Variants in COL5A1 observed in about 807,000 individuals in gnomAD.
COL5A1 encodes collagen alpha-1(V) chain.
Under a neutral mutation model 263.7 loss-of-function variants are expected in COL5A1, and 16 were observed. The ratio of observed to expected loss-of-function variants is 0.06; its 90% CI spans 0.04 to 0.09. The LOEUF (loss-of-function observed/expected upper bound fraction) is 0.09, where lower values mean the gene tolerates loss of function less well. Among genes scored for constraint, COL5A1 ranks in the 10% least tolerant of loss-of-function variants. The pLI is 1.00. For missense variants in COL5A1, 2,036 were observed against 2,540.5 expected (o/e 0.80, Z 4.27); for synonymous variants, 1,012 against 1,004.5 (o/e 1.01, Z -0.14).
At chr9:134,839,579 C>T (rs1301205296) in intron 65 of COL5A1, among the ~76,000 whole-genome samples, 2 of 152,206 alleles carry the variant, frequency 1.3e-5, no homozygotes, top group Admixed American at 6.5e-5. Context: ...GACCTGTCGC[C>T]GAGCTCACTT....
intron 18 of COL5A1, among the ~76,000 whole-genome samples, chr9:134,760,722 CACAT>C (rs1266388772): frequency 6.8e-6 from 1 of 147,654 alleles, no homozygotes; most frequent in Non-Finnish European, 1.5e-5. Flanking sequence ...CACCCATACA[CACAT>C]GCACACACAC....
chr9:134,764,193 G>A, intron 20 of COL5A1, among the ~76,000 whole-genome samples: 1 of 147,024 alleles, frequency 6.8e-6, no homozygotes, highest in East Asian at 2.0e-4. Context: ...AGGGCATTGT[G>A]GGGGGTCTGA....
intron 38 of COL5A1, among the ~76,000 whole-genome samples, chr9:134,802,231 A>C (rs1279528531): frequency 6.6e-6 from 1 of 152,242 alleles, no homozygotes; most frequent in African/African-American, 2.4e-5. Context: ...AGGGCAAGGA[A>C]GGCTGCCCAA....
At chr9:134,740,690 G>T (rs1835270035) in intron 11 of COL5A1, among the ~76,000 whole-genome samples, 1 of 152,198 alleles carries the variant, frequency 6.6e-6, no homozygotes, top group African/African-American at 2.4e-5. Flanking sequence ...AGGGGTGCTG[G>T]TTCACACCTC....
At chr9:134,810,485 A>G (rs1417410843) in intron 44 of COL5A1, 177 bp downstream of exon 44, 2 of 619,234 alleles carry the variant, frequency 3.2e-6, no homozygotes, top group Non-Finnish European at 5.8e-6. Context: ...ACACGCGTGC[A>G]TATCTGGGAG....
chr9:134,825,461 A>G (rs1405794403), intron 62 of COL5A1, among the ~76,000 whole-genome samples: 2 of 152,162 alleles, frequency 1.3e-5, no homozygotes, highest in Non-Finnish European at 2.9e-5. Context: ...TCCTACATGC[A>G]TGAATTTCCA....
At chr9:134,735,923 T>G (rs1035151588) in intron 9 of COL5A1, among the ~76,000 whole-genome samples, 7 of 152,020 alleles carry the variant, frequency 4.6e-5, no homozygotes, top group African/African-American at 2.4e-5. Flanking sequence ...CAACCGGGAG[T>G]CCCCTCATCA....
chr9:134,797,703 G>A (rs1264771355), intron 36 of COL5A1, among the ~76,000 whole-genome samples: 2 of 152,088 alleles, frequency 1.3e-5, no homozygotes, highest in African/African-American at 4.8e-5. Flanking sequence ...GGATGGTCTC[G>A]AACTCCTGAC....
At chr9:134,653,767 T>G in intron 1 of COL5A1, among the ~76,000 whole-genome samples, 2 of 134,454 alleles carry the variant, frequency 1.5e-5, no homozygotes, top group South Asian at 2.5e-4. Flanking sequence ...TCTGCAGGGC[T>G]GGGGGTGTCT....
rs539669566 is a variant in COL5A1, at chr9:134,741,138, G to C, written c.1494+2330G>C. 1.3e-5 allele frequency among the ~76,000 whole-genome samples: 2 copies of C among 152,344 alleles called. No homozygotes were observed. The highest frequency in any genetic ancestry group is 3.9e-4 in the East Asian group (2 of 5,176). The stretch of plus-strand genomic sequence containing the variant: ...CGATGCCCGCTAATCAGCTGTGAAA[G>C]ATCACTGGCTATGGGGTGAGGCCCT... On this transcript the variant is annotated intron_variant, in intron 11 of 65. Coordinates refer to ENST00000371817, the MANE Select transcript of COL5A1 (RefSeq NM_000093.5). This position sits in a 1 kb window ranked among gnomAD's most constrained non-coding sequence, Gnocchi z 4.5.
At chr9:134,815,809 C>G (rs1207136425) in intron 51 of COL5A1, 126 bp from the exon 52 acceptor site, 1 of 1,322,712 alleles carries the variant, frequency 7.6e-7, no homozygotes, top group Non-Finnish European at 1.1e-6. Flanking sequence ...CCCCACTGAC[C>G]ATGCTCTGTG....
At chr9:134,801,876 C>A in intron 37 of COL5A1, 78 bp from the exon 38 acceptor site, 1 of 1,308,038 alleles carries the variant, frequency 7.6e-7, no homozygotes, top group Non-Finnish European at 1.1e-6. Flanking sequence ...GGGGGGCAAG[C>A]GTCCTGCTGA....
At chr9:134,745,024 C>T (rs991856483) in intron 11 of COL5A1, among the ~76,000 whole-genome samples, 2 of 152,240 alleles carry the variant, frequency 1.3e-5, no homozygotes, top group Admixed American at 6.5e-5. Context: ...CCCGAATCCC[C>T]AGCAGCCTGG....
chr9:134,671,668 G>T (rs369111756), intron 1 of COL5A1, among the ~76,000 whole-genome samples: 1 of 152,234 alleles, frequency 6.6e-6, no homozygotes, highest in Non-Finnish European at 1.5e-5. Context: ...GGACGAGTGC[G>T]TGAAGGGTTG....
chr9:134,749,656 G>T (rs1369577916), intron 11 of COL5A1, among the ~76,000 whole-genome samples: 1 of 152,210 alleles, frequency 6.6e-6, no homozygotes, highest in Non-Finnish European at 1.5e-5. Context: ...TGATTCGGAA[G>T]ACTGCAGCCA....
In COL5A1 at chr9:134,645,301, G is replaced by A. The variant is rs559836854; in HGVS notation, c.109+3005G>A. Among the ~76,000 whole-genome samples, 37 of 152,292 alleles carry A rather than the reference G, an allele frequency of 2.4e-4. No homozygotes were observed. In the East Asian group the frequency reaches 4.0e-3, roughly 17 times the overall value. On this transcript the variant is annotated intron_variant, in intron 1 of 65. Coordinates refer to ENST00000371817, the MANE Select transcript of COL5A1 (RefSeq NM_000093.5). ...GAACACAGCTGGTGCTGCCCGTCCC[G>A]CCCTGCCTTCTCGCTGCCTGGCCTG...
At chr9:134,769,764 CT>C (rs756210447) in intron 25 of COL5A1, among the ~76,000 whole-genome samples, 15 of 151,332 alleles carry the variant, frequency 9.9e-5, no homozygotes, top group Admixed American at 3.3e-4. Flanking sequence ...CTGTACCCCT[CT>C]TTCCTTCTGC....
At chr9:134,693,714 C>A (rs1296395249) in intron 2 of COL5A1, among the ~76,000 whole-genome samples, 1 of 152,222 alleles carries the variant, frequency 6.6e-6, no homozygotes, top group African/African-American at 2.4e-5. Flanking sequence ...CGAGCAAACT[C>A]GCCACCTGTC....
chr9:134,703,301 C>T (rs573368748), intron 4 of COL5A1, among the ~76,000 whole-genome samples: 4 of 152,326 alleles, frequency 2.6e-5, no homozygotes, highest in Non-Finnish European at 2.9e-5. Flanking sequence ...GAAGGAACTG[C>T]GGGCACAGGA....
Sources: gnomAD v4.1 joint callset for allele counts (sites outside exome capture counted in the v4.1 genomes callset) on GRCh38, gnomAD v4.1.1 for gene constraint, Gnocchi (gnomAD v3.1) non-coding constraint, MANE v1.5 for transcripts, NCBI Gene and HGNC (gene_info 2026-07-23, HGNC 2026-07-21) for gene names.